The following TTC23 variants were observed in gnomAD, a reference collection of about 807,000 sequenced individuals.
TTC23 encodes the protein tetratricopeptide repeat domain 23.
TTC23 carries 58 observed loss-of-function variants against 55.1 expected under a neutral mutation model. The observed-to-expected ratio is 1.05, with a 90% CI of 0.85 to 1.31. TTC23 has a LOEUF of 1.31. Ranked by LOEUF, TTC23 falls within the 50% of genes most tolerant of loss-of-function variation. The pLI is 0.00. For synonymous variants in TTC23, 203 were observed against 199.9 expected (o/e 1.02, Z -0.13); for missense variants, 516 against 534.4 (o/e 0.97, Z 0.34).
At chr15:99,178,088 G>A (rs1248012489) in intron 9 of TTC23, among the ~76,000 whole-genome samples, 1 of 152,152 alleles carries the variant, frequency 6.6e-6, no homozygotes, top group Non-Finnish European at 1.5e-5. Context: ...ACGCTGAGGT[G>A]GGAAGATCAC....
At chr15:99,195,581 G>C (rs892038847) in intron 9 of TTC23, among the ~76,000 whole-genome samples, 1 of 152,188 alleles carries the variant, frequency 6.6e-6, no homozygotes, top group Non-Finnish European at 1.5e-5. Flanking sequence ...GGGGGAAGGA[G>C]AGATGAATAG....
intron 11 of TTC23, chr15:99,160,128 C>T: frequency 6.6e-6 from 1 of 152,168 alleles, no homozygotes; most frequent in Non-Finnish European, 1.5e-5. Context: ...CATCCTGAAA[C>T]TCCAATTTGT....
At chr15:99,214,827 G>C (rs557854364) in intron 8 of TTC23, among the ~76,000 whole-genome samples, 2 of 140,726 alleles carry the variant, frequency 1.4e-5, no homozygotes, top group Non-Finnish European at 3.1e-5. Flanking sequence ...TTTGGGAAAA[G>C]TTTCCTGCCC....
chr15:99,201,433 G>C (rs926835215), intron 8 of TTC23, among the ~76,000 whole-genome samples: 2 of 152,120 alleles, frequency 1.3e-5, no homozygotes, highest in Admixed American at 6.5e-5. Flanking sequence ...AAAAGGCCTT[G>C]TGATTCCCAA....
At chr15:99,222,383 C>T (rs1449671190) in intron 5 of TTC23, among the ~76,000 whole-genome samples, 1 of 152,116 alleles carries the variant, frequency 6.6e-6, no homozygotes. Context: ...CTCGAGCAAT[C>T]CTCCCACCTC....
chr15:99,231,675 G>A (rs779221438), intron 4 of TTC23, among the ~76,000 whole-genome samples: 2 of 151,836 alleles, frequency 1.3e-5, no homozygotes, highest in African/African-American at 2.4e-5. Context: ...TGTATTTTTA[G>A]TAGAGATAGG....
rs562692469 is a variant in TTC23 at position 99,235,532 on chromosome 15, A to G, written c.-113-452T>C. On this transcript the variant is annotated intron_variant, in intron 3 of 13. Transcript: ENST00000394132. ...ACTACAGGCACACACCACCACGCCC[A>G]GCTAATTTTTTTGTATTTTAGTAGA... is the stretch of plus-strand genomic sequence containing the variant. 1.2e-3 allele frequency among the ~76,000 whole-genome samples: 187 copies of G among 151,778 alleles called. 1 individual carries two copies. The highest frequency in any genetic ancestry group is 1.8e-3 in the Non-Finnish European group (119 of 67,942).
At chr15:99,247,044 T>C (rs144780512) in intron 1 of TTC23, among the ~76,000 whole-genome samples, 53 of 152,230 alleles carry the variant, frequency 3.5e-4, no homozygotes, top group African/African-American at 1.2e-3. Flanking sequence ...GATATATGGA[T>C]AGTCAACAAG....
chr15:99,179,321 A>G (rs1349008389), intron 9 of TTC23, among the ~76,000 whole-genome samples: 1 of 152,102 alleles, frequency 6.6e-6, no homozygotes, highest in Admixed American at 6.5e-5. Context: ...TATTGCCTCC[A>G]TGCACATCTA....
In TTC23 at chr15:99,190,181, A is replaced by AAAAGAAAG. The variant is rs57945122; in HGVS notation, c.759+9730_759+9737dup. On this transcript the variant is annotated intron_variant, in intron 9 of 13. Transcript: ENST00000394132. ...GGTGACAAAGCAAGACCTGTCTAAA[A>AAAAGAAAG]AAAGAAAGAAAGAAAGAAAGAAAGA... Among the ~76,000 whole-genome samples the AAAAGAAAG allele has an allele frequency of 8.5e-3, 1,259 of 148,590 alleles. 5 individuals carry two copies. The highest frequency in any genetic ancestry group is 0.018 in the East Asian group (88 of 5,014).
rs1272743795 is a variant in TTC23, at chr15:99,147,318, C to A, written c.1144-7919G>T. Among the ~76,000 whole-genome samples the A allele has an allele frequency of 2.0e-5, 3 of 150,554 alleles. No homozygotes were observed. In the East Asian group the frequency reaches 5.9e-4, roughly 30 times the overall value. The stretch of plus-strand genomic sequence containing the variant: ...TCAGCTCACTGCAAGCTCCGCCTCC[C>A]AGGTTCACGCCATTCTCCTGCCTCA... On this transcript the variant is annotated intron_variant, in intron 12 of 13. Transcript: ENST00000394132.
intron 8 of TTC23, among the ~76,000 whole-genome samples, chr15:99,203,142 C>T (rs2076331543): frequency 6.6e-6 from 1 of 151,970 alleles, no homozygotes; most frequent in Non-Finnish European, 1.5e-5. Flanking sequence ...CTGATTGGAA[C>T]TATTGTGCAA....
chr15:99,215,394 G>A (rs2077394835), intron 8 of TTC23, among the ~76,000 whole-genome samples: 1 of 152,148 alleles, frequency 6.6e-6, no homozygotes, highest in African/African-American at 2.4e-5. Context: ...TTTACAATTA[G>A]ATTCTAATAA....
intron 8 of TTC23, among the ~76,000 whole-genome samples, chr15:99,212,616 C>T (rs929418016): frequency 2.0e-5 from 3 of 152,006 alleles, no homozygotes; most frequent in Non-Finnish European, 4.4e-5. Context: ...ATCTGTCAGC[C>T]CAGGGAGAAA....
chr15:99,245,744 C>G (rs1454541137), intron 1 of TTC23, among the ~76,000 whole-genome samples: 1 of 151,028 alleles, frequency 6.6e-6, no homozygotes, highest in Non-Finnish European at 1.5e-5. Context: ...AAATTAACTC[C>G]AAATGGAGTA....
At chr15:99,185,195 A>T (rs1471412934) in intron 9 of TTC23, among the ~76,000 whole-genome samples, 2 of 152,258 alleles carry the variant, frequency 1.3e-5, no homozygotes, top group Non-Finnish European at 2.9e-5. Flanking sequence ...ACAAAAGGCT[A>T]GTATTAATAT....
chr15:99,228,575 G>A lies in TTC23; in HGVS notation c.138C>T (p.His46=). 2 of 1,613,762 alleles carry A rather than the reference G, an allele frequency of 1.2e-6. No homozygotes were observed. Among genetic ancestry groups the A allele is most frequent in the Non-Finnish European group, 1.7e-6 (2 of 1,179,792 alleles). The change falls in exon 5 of 14, where the codon CAC becomes CAT. Residue 46 remains histidine, a synonymous_variant. Coordinates refer to ENST00000394132, the MANE Select transcript of TTC23 (RefSeq NM_001288615.3). ...AGGACTTTGCTTTCTCTTCACAGAG[G>A]TGGAGTTTCTCTCGAGGAGGCTGGA... is the stretch of plus-strand genomic sequence containing the variant. ...ALFQPPREKL[H]LCEEKAKSYS...
chr15:99,183,747 G>T, intron 9 of TTC23, among the ~76,000 whole-genome samples: 1 of 152,216 alleles, frequency 6.6e-6, no homozygotes, highest in East Asian at 1.9e-4. Context: ...CCATTTTCTG[G>T]GGAGAAATTC....
intron 9 of TTC23, among the ~76,000 whole-genome samples, chr15:99,197,992 T>C (rs7161931): frequency 0.61 from 92,579 of 152,022 alleles, 28,396 homozygotes; most frequent in Middle Eastern, 0.7. Context: ...TGGCAGTCTT[T>C]CTCTGTTTCA....
Sources: allele counts gnomAD v4.1 joint callset (sites outside exome capture counted in the v4.1 genomes callset), GRCh38; gene constraint gnomAD v4.1.1; transcripts MANE v1.5; gene names NCBI Gene and HGNC (gene_info 2026-07-23, HGNC 2026-07-21).